ASTN2: variants seen among roughly 807,000 people sequenced by gnomAD.
The protein encoded by ASTN2 is astrotactin-2.
Under a neutral mutation model 139.8 loss-of-function variants are expected in ASTN2, and 54 were observed. That is an observed-to-expected ratio of 0.39 (90% confidence interval 0.31 to 0.48). ASTN2 has a LOEUF of 0.48. Among genes scored for constraint, ASTN2 ranks in the 20% least tolerant of loss-of-function variants. The pLI is 0.95. For missense variants in ASTN2, 1,565 were observed against 1,725.1 expected (o/e 0.91, Z 1.64); for synonymous variants, 756 against 719.5 (o/e 1.05, Z -0.81).
intron 11 of ASTN2, among the ~76,000 whole-genome samples, chr9:116,860,699 TCC>T (rs1279558208): frequency 5.9e-5 from 9 of 152,206 alleles, no homozygotes; most frequent in Non-Finnish European, 1.2e-4. Context: ...GTCTTGGTCC[TCC>T]ACCCTGCCAC....
intron 3 of ASTN2, among the ~76,000 whole-genome samples, chr9:117,144,668 T>G (rs929273508): frequency 5.6e-5 from 1 of 17,720 alleles, no homozygotes; most frequent in African/African-American, 1.1e-4. Context: ...TAGTTTTTTT[T>G]TTTTTTTTTT....
At chr9:116,589,121 G>A (rs1477176655) in intron 19 of ASTN2, among the ~76,000 whole-genome samples, 2 of 152,174 alleles carry the variant, frequency 1.3e-5, no homozygotes, top group African/African-American at 4.8e-5. Flanking sequence ...TTCCAGGGGG[G>A]TGTGGTCACA....
At chr9:116,796,050 C>T (rs960702083) in intron 13 of ASTN2, among the ~76,000 whole-genome samples, 1 of 152,204 alleles carries the variant, frequency 6.6e-6, no homozygotes, top group African/African-American at 2.4e-5. Context: ...TTGCTTACAG[C>T]TCCTCCTTAG....
At chr9:116,572,543 G>T (rs1179032026) in intron 19 of ASTN2, among the ~76,000 whole-genome samples, 2 of 149,556 alleles carry the variant, frequency 1.3e-5, no homozygotes, top group African/African-American at 4.9e-5. Context: ...GAGATACTGA[G>T]TATTCGGCAG....
At chr9:117,298,611 A>G (rs1361370340) in intron 1 of ASTN2, among the ~76,000 whole-genome samples, 7 of 151,048 alleles carry the variant, frequency 4.6e-5, no homozygotes, top group Non-Finnish European at 5.9e-5. Context: ...ATATTACTTC[A>G]TATACATAGT....
At chr9:116,466,834 TTC>T (rs1428727975) in intron 20 of ASTN2, among the ~76,000 whole-genome samples, 18 of 152,230 alleles carry the variant, frequency 1.2e-4, no homozygotes, top group Non-Finnish European at 2.4e-4. Flanking sequence ...TTTGTGGGGC[TTC>T]TGTTTTCTCA....
intron 10 of ASTN2, among the ~76,000 whole-genome samples, chr9:116,945,047 C>A (rs1174222400): frequency 6.6e-6 from 1 of 152,174 alleles, no homozygotes; most frequent in Admixed American, 6.5e-5. Flanking sequence ...CTGGCATGTT[C>A]AGCGGTGGTT....
chr9:116,463,806 G>A (rs987415863), intron 20 of ASTN2, among the ~76,000 whole-genome samples: 17 of 151,924 alleles, frequency 1.1e-4, no homozygotes, highest in African/African-American at 3.4e-4. Flanking sequence ...TTATCTGTCT[G>A]TTTGTTTTCT....
At position 117,414,430 on chromosome 9, in the gene ASTN2, C is replaced by T. The variant is rs1233377898; in HGVS notation, c.442+67G>A. On this transcript the variant is annotated intron_variant, in intron 1 of 22. Coordinates refer to ENST00000313400, the MANE Select transcript of ASTN2 (RefSeq NM_001365068.1). This position sits in a 1 kb window ranked among gnomAD's most constrained non-coding sequence, Gnocchi z 4.2. ...GGCAGGGATCCCCAGGGCGCCCCCA[C>T]CCGTCCGGCATGACGCAGGGGCTCG... 66 of 1,584,216 alleles carry T rather than the reference C, an allele frequency of 4.2e-5. No homozygotes were observed. Among genetic ancestry groups the T allele is most frequent in the Non-Finnish European group, 5.2e-5 (61 of 1,165,392 alleles).
rs144691602 is a variant in ASTN2 at position 117,018,426 on chromosome 9, C to A, written c.1424-10167G>T. Among the ~76,000 whole-genome samples, 67 of 94,882 alleles carry A rather than the reference C, an allele frequency of 7.1e-4. 1 individual carries two copies. Among genetic ancestry groups the A allele is most frequent in the African/African-American group, 2.0e-3 (64 of 32,078 alleles). 62.2% of individuals were successfully genotyped at this position (94,882 alleles called of 152,430 possible). A position where few individuals can be genotyped will look rare whatever the true frequency, so the allele number is the denominator to read the frequency against. Reference sequence around the variant, plus strand: ...ACTAAGAATAACCATATTAGCAATTCTTCCCCAAATCTCTTTCATTACTAC... The same window carrying A: ...ACTAAGAATAACCATATTAGCAATTATTCCCCAAATCTCTTTCATTACTAC... On this transcript the variant is annotated intron_variant, in intron 6 of 22. Transcript: ENST00000313400.
At chr9:116,620,570 AT>A in intron 17 of ASTN2, 127 bp from the exon 18 acceptor site, 1 of 1,189,486 alleles carries the variant, frequency 8.4e-7, no homozygotes, top group South Asian at 1.3e-5. Flanking sequence ...ACAAGACACC[AT>A]CTATTCCCTA....
chr9:117,163,102 GA>G (rs1277309088), intron 3 of ASTN2, among the ~76,000 whole-genome samples: 1 of 152,066 alleles, frequency 6.6e-6, no homozygotes, highest in Admixed American at 6.6e-5. Flanking sequence ...GGAAGCCCCA[GA>G]GGGGTTACAA....
At chr9:117,145,267 T>A (rs921211107) in intron 3 of ASTN2, among the ~76,000 whole-genome samples, 1 of 152,074 alleles carries the variant, frequency 6.6e-6, no homozygotes, top group Admixed American at 6.5e-5. Context: ...AGGTAGACAG[T>A]GAATGTGGGT....
At chr9:116,694,756 C>CTTA (rs1860757951) in intron 16 of ASTN2, among the ~76,000 whole-genome samples, 1 of 151,830 alleles carries the variant, frequency 6.6e-6, no homozygotes. Context: ...CAGGCATGAG[C>CTTA]CACCACGCCT....
At chr9:117,151,382 T>C (rs1830323853) in intron 3 of ASTN2, among the ~76,000 whole-genome samples, 1 of 152,210 alleles carries the variant, frequency 6.6e-6, no homozygotes, top group South Asian at 2.1e-4. Context: ...GAGCCACCTA[T>C]ACCTTACAAT....
At position 117,339,363 on chromosome 9, in the gene ASTN2, G is replaced by T. The variant is rs1036454635; in HGVS notation, c.443-47850C>A. ...GAAGGGTACACATGATCTGTGTGCCGCAGAGGCAGAAAGAGGCAAGGTCAC... is the reference window on the plus strand; with the variant it reads ...GAAGGGTACACATGATCTGTGTGCCTCAGAGGCAGAAAGAGGCAAGGTCAC... On this transcript the variant is annotated intron_variant, in intron 1 of 22. Transcript: ENST00000313400. 2.6e-5 allele frequency among the ~76,000 whole-genome samples: 4 copies of T among 152,142 alleles called. No homozygotes were observed. The South Asian group carries it at 6.2e-4, about 24-fold the overall frequency.
intron 17 of ASTN2, among the ~76,000 whole-genome samples, chr9:116,632,377 T>C (rs770212036): frequency 2.6e-5 from 4 of 151,144 alleles, no homozygotes; most frequent in Non-Finnish European, 4.4e-5. Flanking sequence ...AGAGGATTGC[T>C]TGAGGCCAGG....
At chr9:117,061,401 T>C (rs1300326136) in intron 5 of ASTN2, among the ~76,000 whole-genome samples, 8 of 38,472 alleles carry the variant, frequency 2.1e-4, no homozygotes. Context: ...TGCTCTTTTT[T>C]TCCTCCATTT....
chr9:116,841,122 C>T (rs2132304924), intron 11 of ASTN2, among the ~76,000 whole-genome samples: 1 of 152,374 alleles, frequency 6.6e-6, no homozygotes, highest in Non-Finnish European at 1.5e-5. Context: ...CGTCTGCAAT[C>T]CCGGCACCTC....
Sources: gnomAD v4.1 joint callset for allele counts (sites outside exome capture counted in the v4.1 genomes callset) on GRCh38, gnomAD v4.1.1 for gene constraint, Gnocchi (gnomAD v3.1) non-coding constraint, MANE v1.5 for transcripts, NCBI Gene and HGNC (gene_info 2026-07-23, HGNC 2026-07-21) for gene names.